RGS9: variants seen among roughly 807,000 people sequenced by gnomAD.
The protein encoded by RGS9 is regulator of G protein signaling 9.
In RGS9, 78 loss-of-function variants were observed where a neutral mutation model predicts 102.0. That is an observed-to-expected ratio of 0.76 (90% CI 0.64 to 0.92). RGS9 has a LOEUF of 0.92. RGS9 is among the 40% of genes least tolerant of loss of function. RGS9 has a pLI of 0.00. For missense variants in RGS9, 833 were observed against 866.1 expected, an observed-to-expected ratio of 0.96 and a Z score of 0.48; for synonymous variants, 353 against 318.6, an observed-to-expected ratio of 1.11 and a Z score of -1.15.
At chr17:65,169,073 C>G (rs757614302) in intron 8 of RGS9, among the ~76,000 whole-genome samples, 4 of 152,196 alleles carry the variant, frequency 2.6e-5, no homozygotes, top group Non-Finnish European at 5.9e-5. Flanking sequence ...TCCTCCTCTT[C>G]CTTTAGCTTC....
chr17:65,175,962 T>G (rs992647693), intron 8 of RGS9, among the ~76,000 whole-genome samples: 8 of 152,230 alleles, frequency 5.3e-5, no homozygotes, highest in Non-Finnish European at 1.2e-4. Context: ...TTAAATTAAC[T>G]GGGCTTCCTA....
chr17:65,179,680 T>C, intron 9 of RGS9, among the ~76,000 whole-genome samples: 1 of 133,562 alleles, frequency 7.5e-6, no homozygotes, highest in African/African-American at 2.9e-5. Flanking sequence ...TGTGTGTGTG[T>C]GTTGGGGGTG....
intron 18 of RGS9, among the ~76,000 whole-genome samples, chr17:65,226,249 G>A (rs1379689251): frequency 6.6e-6 from 1 of 152,192 alleles, no homozygotes; most frequent in Non-Finnish European, 1.5e-5. Flanking sequence ...CTGAGTTTTG[G>A]GGGAGACAGT....
intron 8 of RGS9, among the ~76,000 whole-genome samples, 156 bp downstream of exon 8, chr17:65,168,437 T>G (rs1435027223): frequency 1.3e-5 from 2 of 152,134 alleles, no homozygotes; most frequent in African/African-American, 4.8e-5. Flanking sequence ...CAAGTGCCTC[T>G]TGGCCAGAAA....
At chr17:65,201,344 C>A (rs1912834181) in intron 13 of RGS9, among the ~76,000 whole-genome samples, 1 of 152,200 alleles carries the variant, frequency 6.6e-6, no homozygotes, top group Non-Finnish European at 1.5e-5. Context: ...CTGGCCAGAC[C>A]TTCCCTGAGG....
chr17:65,169,368 C>A (rs1336529186), intron 8 of RGS9, among the ~76,000 whole-genome samples: 2 of 152,188 alleles, frequency 1.3e-5, no homozygotes, highest in African/African-American at 4.8e-5. Context: ...TTTACAGATG[C>A]CTGACGCAGG....
rs1216408961 is a variant in RGS9, at chr17:65,177,793, A to G, written c.644A>G (p.Lys215Arg). 1 of 1,614,144 alleles carries G rather than the reference A, an allele frequency of 6.2e-7. No individual in the cohort carries two copies. The highest frequency in any genetic ancestry group is 1.7e-5 in the Admixed American group (1 of 60,034). ...LDRVTNPNEV[K>R]VNQKQTVVAV... is the part of the protein sequence containing the mutation. ...CGAGTGACCAATCCGAATGAAGTCA[A>G]GGTAAACCAGGTATGTCTCTGCTGC... The change falls in exon 9 of 19, where the codon AAG (lysine) becomes AGG (arginine). Residue 215 changes from lysine (K) to arginine (R), a missense_variant. Coordinates refer to ENST00000262406, the MANE Select transcript of RGS9 (RefSeq NM_003835.4).
At position 65,193,522 on chromosome 17, in the gene RGS9, C is replaced by A. The variant is rs755294907; in HGVS notation, c.747-21C>A. On this transcript the variant is annotated intron_variant, in intron 11 of 18. Transcript: ENST00000262406. ...CTTGGGTGTCGAGCTTCTAGGAAAT[C>A]ATTTTCTGTTTCCTTTTCAGGATTG... is the stretch of plus-strand genomic sequence containing the variant. The A allele has an allele frequency of 9.3e-6, 14 of 1,501,450 alleles. No individual in the cohort carries two copies. The African/African-American group carries it at 9.6e-5, about 10-fold the overall frequency. 93.0% of individuals were successfully genotyped at this position (1,501,450 alleles called of 1,614,324 possible). A position where few individuals can be genotyped will look rare whatever the true frequency, so the allele number is the denominator to read the frequency against.
intron 17 of RGS9, among the ~76,000 whole-genome samples, chr17:65,212,294 G>T (rs1209839113): frequency 2.0e-5 from 3 of 152,114 alleles, no homozygotes; most frequent in African/African-American, 7.3e-5. Context: ...GACAGGGAAA[G>T]TTGAAGAATG....
intron 7 of RGS9, among the ~76,000 whole-genome samples, chr17:65,165,932 G>C (rs1440231779): frequency 6.6e-6 from 1 of 152,170 alleles, no homozygotes; most frequent in African/African-American, 2.4e-5. Flanking sequence ...TTAGGGATTT[G>C]GGAAGGTCTT....
chr17:65,146,257 G>A (rs913080399), intron 1 of RGS9, among the ~76,000 whole-genome samples: 6 of 152,090 alleles, frequency 3.9e-5, no homozygotes, highest in South Asian at 2.1e-4. Context: ...CCTTTCATCC[G>A]GCAGCTAATG....
chr17:65,160,172 C>A, intron 3 of RGS9, 61 bp from the exon 4 acceptor site: 1 of 1,330,708 alleles, frequency 7.5e-7, no homozygotes, highest in Non-Finnish European at 1.1e-6. Context: ...CCGTGGGGGC[C>A]GGCAATGAGC....
chr17:65,150,554 G>A (rs544040516), intron 1 of RGS9, among the ~76,000 whole-genome samples: 37 of 152,174 alleles, frequency 2.4e-4, no homozygotes, highest in Admixed American at 2.2e-3. Flanking sequence ...CTCGGGAGGC[G>A]GAGATTGCAG....
intron 8 of RGS9, among the ~76,000 whole-genome samples, chr17:65,174,461 G>A (rs1457805094): frequency 2.6e-5 from 4 of 152,018 alleles, no homozygotes; most frequent in Admixed American, 1.3e-4. Flanking sequence ...GCATGTGTGT[G>A]AGCATGTATG....
intron 9 of RGS9, 61 bp downstream of exon 9, chr17:65,177,864 TC>T: frequency 7.7e-7 from 1 of 1,307,050 alleles, no homozygotes; most frequent in Non-Finnish European, 1.1e-6. Flanking sequence ...TGGGAAGGTG[TC>T]CACATGTCTA....
chr17:65,221,339 A>G (rs952275319), intron 17 of RGS9, among the ~76,000 whole-genome samples: 6 of 152,198 alleles, frequency 3.9e-5, no homozygotes, highest in Non-Finnish European at 8.8e-5. Context: ...CATCATATCC[A>G]TGAACCTCAG....
chr17:65,225,098 T>A lies in RGS9; in HGVS notation c.1504T>A (p.Ser502Thr), dbSNP rs777335804. The A allele has an allele frequency of 6.2e-7, 1 of 1,613,344 alleles. No individual in the cohort carries two copies. The highest frequency in any genetic ancestry group is 8.5e-7 in the Non-Finnish European group (1 of 1,179,880). Reference sequence around the variant, plus strand: ...TAGCCCCTTCTCCTCCTCCTGCCGCTCCCCCAGGAAGCCTTTCGCCTCACC... The same window carrying A: ...TAGCCCCTTCTCCTCCTCCTGCCGCACCCCCAGGAAGCCTTTCGCCTCACC... ...PSSPFSSSCR[S>T]PRKPFASPSR... Residue 502 changes from serine (S) to threonine (T), a missense_variant, in exon 18 of 19, where the codon TCC (serine) becomes ACC (threonine). By Grantham distance (58) the Ser-to-Thr change is moderately conservative. Coordinates refer to ENST00000262406, the MANE Select transcript of RGS9 (RefSeq NM_003835.4).
chr17:65,190,230 T>G lies in RGS9; in HGVS notation c.740T>G (p.Leu247Arg). 6.2e-7 allele frequency: 1 copy of G among 1,612,292 alleles called. No individual in the cohort carries two copies. Among genetic ancestry groups the G allele is most frequent in the Non-Finnish European group, 8.5e-7 (1 of 1,178,276 alleles). ...MRSTVKSSVS[L>R]GGIVKYSEQF... ...TCCACAGTGAAGTCTTCTGTGTCCC[T>G]GGGAGGGTATGTCCCTGATTTGTTG... The change falls in exon 11 of 19, where the codon CTG becomes CGG. Residue 247 changes from leucine to arginine, a missense_variant. Around this residue, in one of 3 missense-constraint regions of RGS9, gnomAD observed 328 missense variants for 340.6 expected, o/e 0.96. Coordinates refer to ENST00000262406, the MANE Select transcript of RGS9 (RefSeq NM_003835.4).
rs775233712 is a variant in RGS9 at position 65,190,244 on chromosome 17, C to T, written c.746+8C>T. 1.9e-6 allele frequency: 3 copies of T among 1,609,832 alleles called. No individual in the cohort carries two copies. Among genetic ancestry groups the T allele is most frequent in the Non-Finnish European group, 1.7e-6 (2 of 1,176,114 alleles). ...TTCTGTGTCCCTGGGAGGGTATGTC[C>T]CTGATTTGTTGATCTTGCTAAAGTC... is the stretch of plus-strand genomic sequence containing the variant. On this transcript the variant is annotated splice_region_variant and intron_variant, in intron 11 of 18. Transcript: ENST00000262406.
Sources: gnomAD v4.1 joint callset for allele counts (sites outside exome capture counted in the v4.1 genomes callset) on GRCh38, gnomAD v4.1.1 for gene constraint, gnomAD v4.1.1 regional missense constraint, MANE v1.5 for transcripts, NCBI Gene and HGNC (gene_info 2026-07-23, HGNC 2026-07-21) for gene names.